Variants in CCDC85A observed in about 807,000 individuals in gnomAD.
The protein encoded by CCDC85A is coiled-coil domain-containing protein 85A.
In CCDC85A, 38 loss-of-function variants were observed where a neutral mutation model predicts 50.2. The ratio of observed to expected loss-of-function variants is 0.76; its 90% CI spans 0.58 to 0.99. The LOEUF is 0.99. Among genes scored for constraint, CCDC85A ranks in the 50% least tolerant of loss-of-function variants. The probability of loss-of-function intolerance (pLI) is 0.00; values close to 1 mark genes in which losing one functional copy is unlikely to be tolerated. For missense variants in CCDC85A, 820 were observed against 742.0 expected (o/e 1.11, Z -1.22); for synonymous variants, 366 against 301.4 (o/e 1.21, Z -2.22).
At chr2:56,379,810 A>C (rs1676501514) in intron 5 of CCDC85A, 2 of 984,440 alleles carry the variant, frequency 2.0e-6, no homozygotes, top group Non-Finnish European at 2.4e-6. Flanking sequence ...ACATGACCTT[A>C]GTGAGACAGA....
chr2:56,201,086 A>ATCTG (rs1361434063), intron 2 of CCDC85A, among the ~76,000 whole-genome samples: 4 of 62,436 alleles, frequency 6.4e-5, no homozygotes, highest in Non-Finnish European at 1.4e-4. Context: ...CCACACACAC[A>ATCTG]CACACACACA....
chr2:56,338,209 T>G (rs1052629516), intron 2 of CCDC85A, among the ~76,000 whole-genome samples: 6 of 152,224 alleles, frequency 3.9e-5, no homozygotes, highest in African/African-American at 7.2e-5. Flanking sequence ...CTCAGTTTTA[T>G]GAAGCTGTCA....
At chr2:56,310,706 A>T (rs1458800951) in intron 2 of CCDC85A, among the ~76,000 whole-genome samples, 1 of 152,194 alleles carries the variant, frequency 6.6e-6, no homozygotes, top group Non-Finnish European at 1.5e-5. Flanking sequence ...TCTAACTATA[A>T]GGTCTACAGA....
At chr2:56,276,479 A>G (rs1299415657) in intron 2 of CCDC85A, among the ~76,000 whole-genome samples, 5 of 152,014 alleles carry the variant, frequency 3.3e-5, no homozygotes, top group East Asian at 1.9e-4. Flanking sequence ...TATGGGGGCA[A>G]GTCTTTCCTG....
intron 3 of CCDC85A, among the ~76,000 whole-genome samples, chr2:56,355,041 T>A (rs1675152405): frequency 6.6e-6 from 1 of 152,144 alleles, no homozygotes; most frequent in African/African-American, 2.4e-5. Flanking sequence ...CCCCATCAGG[T>A]ATACAAGCCT....
At chr2:56,230,352 G>A (rs922696367) in intron 2 of CCDC85A, among the ~76,000 whole-genome samples, 4 of 152,138 alleles carry the variant, frequency 2.6e-5, no homozygotes, top group Admixed American at 2.6e-4. Context: ...AAAAGTACAA[G>A]CAGTTATATT....
chr2:56,186,805 A>C (rs556387491), intron 1 of CCDC85A, among the ~76,000 whole-genome samples: 1 of 152,162 alleles, frequency 6.6e-6, no homozygotes. Context: ...CAGTAGCTTC[A>C]TGTAGAGAAG....
At chr2:56,223,249 G>T (rs1321073247) in intron 2 of CCDC85A, among the ~76,000 whole-genome samples, 1 of 152,118 alleles carries the variant, frequency 6.6e-6, no homozygotes, top group Non-Finnish European at 1.5e-5. Flanking sequence ...AGAGAGAGGG[G>T]TTAGCAAACA....
chr2:56,300,685 T>A (rs1327271254), intron 2 of CCDC85A, among the ~76,000 whole-genome samples: 1 of 152,186 alleles, frequency 6.6e-6, no homozygotes, highest in African/African-American at 2.4e-5. Context: ...CCTTTATTTT[T>A]CTCCAGAGGA....
chr2:56,273,382 G>A (rs1670782284), intron 2 of CCDC85A, among the ~76,000 whole-genome samples: 1 of 152,062 alleles, frequency 6.6e-6, no homozygotes, highest in Non-Finnish European at 1.5e-5. Flanking sequence ...GAAAACCATT[G>A]CAGTATTCCA....
At chr2:56,353,904 C>A (rs953523047) in intron 3 of CCDC85A, among the ~76,000 whole-genome samples, 1 of 152,156 alleles carries the variant, frequency 6.6e-6, no homozygotes, top group Non-Finnish European at 1.5e-5. Context: ...GTGAGCATAG[C>A]GTTACTGAGT....
intron 2 of CCDC85A, among the ~76,000 whole-genome samples, chr2:56,276,452 G>C (rs139530708): frequency 4.4e-4 from 67 of 152,204 alleles, no homozygotes; most frequent in African/African-American, 1.4e-3. Context: ...GGAGGAACTG[G>C]TGGGAGGTGA....
chr2:56,314,295 T>A (rs1672823247), intron 2 of CCDC85A, among the ~76,000 whole-genome samples: 1 of 151,272 alleles, frequency 6.6e-6, no homozygotes, highest in East Asian at 2.0e-4. Context: ...TGACCTAGAG[T>A]AGAAAATTTT....
intron 2 of CCDC85A, among the ~76,000 whole-genome samples, chr2:56,222,163 C>T (rs938519381): frequency 1.3e-5 from 2 of 152,086 alleles, no homozygotes; most frequent in African/African-American, 4.8e-5. Context: ...AACCATATCA[C>T]TATGCTTTAA....
At chr2:56,381,480 C>T (rs1188749891) in intron 5 of CCDC85A, among the ~76,000 whole-genome samples, 1 of 152,016 alleles carries the variant, frequency 6.6e-6, no homozygotes, top group Non-Finnish European at 1.5e-5. Flanking sequence ...CTGAGTTTAC[C>T]ATCAGACCTC....
At chr2:56,231,267 G>A (rs149702492) in intron 2 of CCDC85A, among the ~76,000 whole-genome samples, 273 of 152,256 alleles carry the variant, frequency 1.8e-3, no homozygotes, top group African/African-American at 5.4e-3. Context: ...AGCCTGAGAC[G>A]GAAAGAAAAG....
chr2:56,321,746 C>A (rs1673201398), intron 2 of CCDC85A, among the ~76,000 whole-genome samples: 1 of 152,092 alleles, frequency 6.6e-6, no homozygotes, highest in Admixed American at 6.6e-5. Flanking sequence ...CAATTCCATC[C>A]CCATCATGCT....
At chr2:56,238,370 T>C (rs1340039576) in intron 2 of CCDC85A, among the ~76,000 whole-genome samples, 2 of 150,530 alleles carry the variant, frequency 1.3e-5, no homozygotes, top group African/African-American at 4.9e-5. Context: ...TGATCCAAGA[T>C]TGCAGCACTG....
intron 2 of CCDC85A, among the ~76,000 whole-genome samples, chr2:56,302,782 G>A (rs1175240507): frequency 6.6e-6 from 1 of 152,112 alleles, no homozygotes; most frequent in African/African-American, 2.4e-5. Context: ...GTTACATAAG[G>A]TCTTTTTCAC....
Sources: allele counts gnomAD v4.1 joint callset (sites outside exome capture counted in the v4.1 genomes callset), GRCh38; gene constraint gnomAD v4.1.1; transcripts MANE v1.5; gene names NCBI Gene and HGNC (gene_info 2026-07-23, HGNC 2026-07-21).